The following MCTP2 variants were observed in gnomAD, a reference collection of about 807,000 sequenced individuals.
MCTP2 encodes multiple C2 and transmembrane domain containing 2.
A neutral mutation model predicts 111.6 loss-of-function variants in MCTP2; 132 were observed. The observed-to-expected ratio is 1.18, with a 90% CI of 1.03 to 1.37. MCTP2 has a LOEUF of 1.37. Among genes scored for constraint, MCTP2 ranks in the 40% most tolerant of loss-of-function variants. MCTP2 has a pLI of 0.00. For missense variants in MCTP2, 1,183 were observed against 1,067.9 expected (o/e 1.11, Z -1.50); for synonymous variants, 395 against 387.7 (o/e 1.02, Z -0.22).
At chr15:94,390,109 T>TGC (rs1567603398) in intron 14 of MCTP2, among the ~76,000 whole-genome samples, 412 of 38,830 alleles carry the variant, frequency 0.011, 34 homozygotes, top group African/African-American at 0.024. Flanking sequence ...TATATATATA[T>TGC]ATATGTATAT....
intron 12 of MCTP2, among the ~76,000 whole-genome samples, chr15:94,371,809 C>G (rs969293601): frequency 1.3e-5 from 2 of 152,198 alleles, no homozygotes; most frequent in East Asian, 3.8e-4. Context: ...CTGCCTCAGT[C>G]TCCCCAGTAG....
chr15:94,292,094 G>T (rs1287919846), intron 1 of MCTP2, among the ~76,000 whole-genome samples: 1 of 152,150 alleles, frequency 6.6e-6, no homozygotes, highest in African/African-American at 2.4e-5. Context: ...AAATCATAAA[G>T]ACAAGAGTAG....
chr15:94,435,629 CTTT>C (rs202170550), intron 17 of MCTP2, among the ~76,000 whole-genome samples: 1 of 117,920 alleles, frequency 8.5e-6, no homozygotes, highest in Non-Finnish European at 1.8e-5. Flanking sequence ...TTTTTTTATT[CTTT>C]TTTTTTTTTT....
intron 1 of MCTP2, among the ~76,000 whole-genome samples, chr15:94,240,204 A>G (rs2070845831): frequency 6.6e-6 from 1 of 152,110 alleles, no homozygotes; most frequent in Non-Finnish European, 1.5e-5. Flanking sequence ...CAGTGGTAGC[A>G]TTATCTTAGT....
At chr15:94,261,143 C>T (rs1192063562) in intron 1 of MCTP2, among the ~76,000 whole-genome samples, 1 of 152,164 alleles carries the variant, frequency 6.6e-6, no homozygotes, top group African/African-American at 2.4e-5. Flanking sequence ...GTTGTCCCAC[C>T]TTTCTGGACC....
Position 94,464,256 on chromosome 15 carries a change from ATTATATATATATAT to A in MCTP2, c.2360+6011_2360+6024del, listed in dbSNP as rs1482017733. 6.4e-4 allele frequency among the ~76,000 whole-genome samples: 28 copies of A among 43,966 alleles called. 1 individual carries two copies. The highest frequency in any genetic ancestry group is 1.1e-3 in the South Asian group (2 of 1,768). The allele number at this position is 43,966 out of a possible 152,430, so 28.8% of individuals were successfully genotyped here. On this transcript the variant is annotated intron_variant, in intron 20 of 22. Coordinates refer to ENST00000357742, the MANE Select transcript of MCTP2 (RefSeq NM_001385001.1). The stretch of plus-strand genomic sequence containing the variant: ...ATATATATAATATATATATATATAT[ATTATATATATATAT>A]ATATATATAAACGTCAGCCATTCTA...
At chr15:94,245,379 T>C (rs2071808269) in intron 1 of MCTP2, among the ~76,000 whole-genome samples, 7 of 129,940 alleles carry the variant, frequency 5.4e-5, no homozygotes, top group Admixed American at 3.2e-4. Flanking sequence ...CATACATATG[T>C]ATATGTATTT....
chr15:94,456,925 G>A (rs914229189), intron 19 of MCTP2, among the ~76,000 whole-genome samples: 2 of 152,160 alleles, frequency 1.3e-5, no homozygotes, highest in East Asian at 1.9e-4. Context: ...GCTTTTACCC[G>A]CAATCCCTAT....
At chr15:94,255,836 G>C (rs1277152562) in intron 1 of MCTP2, among the ~76,000 whole-genome samples, 1 of 152,194 alleles carries the variant, frequency 6.6e-6, no homozygotes, top group Non-Finnish European at 1.5e-5. Context: ...TCATTCAACA[G>C]TAGGGAGTTA....
intron 1 of MCTP2, among the ~76,000 whole-genome samples, chr15:94,272,934 C>T (rs1002161031): frequency 6.6e-6 from 1 of 152,118 alleles, no homozygotes; most frequent in East Asian, 1.9e-4. Context: ...CTAGATGTGC[C>T]CTCTCTCTTT....
chr15:94,276,012 A>ATTTTTTTTTTTTTTTTTTTTTTTTT (rs540790153), intron 1 of MCTP2, among the ~76,000 whole-genome samples: 2 of 151,956 alleles, frequency 1.3e-5, no homozygotes, highest in African/African-American at 4.8e-5. Flanking sequence ...TGCCCAGCTA[A>ATTTTTTTTTTTTTTTTTTTTTTTTT]TTTTTGTATT....
chr15:94,326,334 C>T (rs1454138907), intron 4 of MCTP2, among the ~76,000 whole-genome samples: 1 of 152,124 alleles, frequency 6.6e-6, no homozygotes, highest in Non-Finnish European at 1.5e-5. Context: ...AATAATGCCA[C>T]AACAAACGTT....
At chr15:94,410,550 A>G (rs1418229861) in intron 17 of MCTP2, among the ~76,000 whole-genome samples, 3 of 152,196 alleles carry the variant, frequency 2.0e-5, no homozygotes, top group African/African-American at 4.8e-5. Flanking sequence ...AAAAAAAGAA[A>G]AAAAAAAAGA....
chr15:94,368,255 C>G (rs1025654142), intron 11 of MCTP2, among the ~76,000 whole-genome samples: 1 of 152,148 alleles, frequency 6.6e-6, no homozygotes. Flanking sequence ...CATGAAGAAC[C>G]GCTGTTCTGA....
At chr15:94,364,445 CA>C (rs1374683558) in intron 10 of MCTP2, among the ~76,000 whole-genome samples, 1 of 152,036 alleles carries the variant, frequency 6.6e-6, no homozygotes, top group Non-Finnish European at 1.5e-5. Flanking sequence ...AGAGCCCAAC[CA>C]GATTATTTAG....
intron 17 of MCTP2, among the ~76,000 whole-genome samples, chr15:94,431,811 A>T (rs974493689): frequency 6.6e-6 from 1 of 152,174 alleles, no homozygotes; most frequent in Admixed American, 6.5e-5. Flanking sequence ...ATACAATAGG[A>T]TGATTTTTCA....
At chr15:94,303,887 C>T (rs1373611881) in intron 2 of MCTP2, among the ~76,000 whole-genome samples, 14 of 152,120 alleles carry the variant, frequency 9.2e-5, no homozygotes, top group Non-Finnish European at 1.9e-4. Context: ...TGACTGAGCA[C>T]TAACCTCAGT....
intron 20 of MCTP2, among the ~76,000 whole-genome samples, chr15:94,463,809 AT>A (rs2085358631): frequency 6.6e-6 from 1 of 151,752 alleles, no homozygotes. Context: ...TTTCCCTAAC[AT>A]TTTCACCTGC....
At chr15:94,369,466 A>C (rs1384822921) in intron 11 of MCTP2, among the ~76,000 whole-genome samples, 4 of 152,238 alleles carry the variant, frequency 2.6e-5, no homozygotes, top group Non-Finnish European at 5.9e-5. Context: ...ATATTGCTAT[A>C]TGTGCTTAAG....
Sources: allele counts gnomAD v4.1 joint callset (sites outside exome capture counted in the v4.1 genomes callset), GRCh38; gene constraint gnomAD v4.1.1; transcripts MANE v1.5; gene names NCBI Gene and HGNC (gene_info 2026-07-23, HGNC 2026-07-21).